CNTN4: variants seen among roughly 807,000 people sequenced by gnomAD.
The protein encoded by CNTN4 is contactin-4.
Under a neutral mutation model 122.5 loss-of-function variants are expected in CNTN4, and 77 were observed. The observed-to-expected ratio is 0.63, with a 90% CI of 0.52 to 0.76. The LOEUF (loss-of-function observed/expected upper bound fraction) is 0.76. Among genes scored for constraint, CNTN4 ranks in the 30% least tolerant of loss-of-function variants. The probability of loss-of-function intolerance (pLI) is 0.00; values close to 1 mark genes in which losing one functional copy is unlikely to be tolerated. For missense variants in CNTN4, 1,256 were observed against 1,259.1 expected (o/e 1.00, Z 0.04); for synonymous variants, 512 against 447.0 (o/e 1.15, Z -1.83).
intron 7 of CNTN4, among the ~76,000 whole-genome samples, chr3:2,835,808 C>G (rs1358673549): frequency 1.3e-5 from 2 of 152,000 alleles, no homozygotes; most frequent in Non-Finnish European, 2.9e-5. Flanking sequence ...TATAAGGAAT[C>G]CTGGAAATCA....
At chr3:2,719,258 T>A (rs2087689043) in intron 4 of CNTN4, among the ~76,000 whole-genome samples, 1 of 146,752 alleles carries the variant, frequency 6.8e-6, no homozygotes, top group Admixed American at 6.8e-5. Flanking sequence ...TGACCTAACA[T>A]TAGAACATTA....
At chr3:2,576,409 A>G (rs2149528387) in intron 4 of CNTN4, among the ~76,000 whole-genome samples, 1 of 152,312 alleles carries the variant, frequency 6.6e-6, no homozygotes, top group South Asian at 2.1e-4. Context: ...CAATACTATG[A>G]TGCTAATCCA....
At chr3:2,259,858 A>G (rs1485954675) in intron 2 of CNTN4, among the ~76,000 whole-genome samples, 10 of 152,098 alleles carry the variant, frequency 6.6e-5, no homozygotes, top group Non-Finnish European at 1.5e-4. Flanking sequence ...GTATCTTTGC[A>G]TTCTTTCCCA....
At position 2,443,548 on chromosome 3, in the gene CNTN4, A is replaced by G. The variant is rs1173277941; in HGVS notation, c.-89+104315A>G. ...CTTGTAACGTACATATTGAGCTTCCATAGCAAAGAATACAAATCATCACAA... is the reference window on the plus strand; with the variant it reads ...CTTGTAACGTACATATTGAGCTTCCGTAGCAAAGAATACAAATCATCACAA... On this transcript the variant is annotated intron_variant, in intron 3 of 24. Transcript: ENST00000418658. 2.0e-5 allele frequency among the ~76,000 whole-genome samples: 3 copies of G among 152,210 alleles called. No homozygotes were observed. The East Asian group carries it at 5.8e-4, about 29-fold the overall frequency.
chr3:2,298,656 A>G (rs1166364938), intron 2 of CNTN4, among the ~76,000 whole-genome samples: 4 of 152,204 alleles, frequency 2.6e-5, no homozygotes, highest in Non-Finnish European at 4.4e-5. Context: ...GAAAAATCAT[A>G]TAGCTACATT....
chr3:2,916,799 T>C (rs1487068646), intron 12 of CNTN4, among the ~76,000 whole-genome samples: 1 of 149,440 alleles, frequency 6.7e-6, no homozygotes, highest in Non-Finnish European at 1.5e-5. Context: ...GCCCCCCACC[T>C]CCCAGACGGG....
At chr3:2,144,998 C>A (rs1234701238) in intron 2 of CNTN4, among the ~76,000 whole-genome samples, 1 of 152,180 alleles carries the variant, frequency 6.6e-6, no homozygotes, top group Non-Finnish European at 1.5e-5. Context: ...GAAAGCACTG[C>A]TGATGAAAAC....
At chr3:2,146,896 T>G (rs796448826) in intron 2 of CNTN4, among the ~76,000 whole-genome samples, 3 of 152,312 alleles carry the variant, frequency 2.0e-5, no homozygotes, top group African/African-American at 7.2e-5. Context: ...TTGTTTTGTT[T>G]TTTTGAGACG....
At chr3:2,912,549 T>C (rs1221380487) in intron 12 of CNTN4, among the ~76,000 whole-genome samples, 1 of 152,162 alleles carries the variant, frequency 6.6e-6, no homozygotes, top group East Asian at 1.9e-4. Flanking sequence ...TGTAATATTG[T>C]AGGTACAAAA....
At position 3,043,119 on chromosome 3, in the gene CNTN4, C is replaced by A. The variant is rs769521251; in HGVS notation, c.2654C>A (p.Thr885Lys). The A allele has an allele frequency of 2.5e-6, 4 of 1,614,188 alleles. No homozygotes were observed. The highest frequency in any genetic ancestry group is 4.5e-5 in the East Asian group (2 of 44,884). The stretch of plus-strand genomic sequence containing the variant: ...GTCAAGGCATATAATTCTGCTGGGA[C>A]AGGCCCCTCTAGTGCAACAGTCAAT... ...LAVKAYNSAG[T>K]GPSSATVNVT... Residue 885 changes from threonine to lysine, a missense_variant, in exon 22 of 25, where the codon ACA (threonine) becomes AAA (lysine). Coordinates refer to ENST00000418658, the MANE Select transcript of CNTN4 (RefSeq NM_175607.3).
At chr3:2,147,728 C>A (rs1311765259) in intron 2 of CNTN4, among the ~76,000 whole-genome samples, 1 of 152,184 alleles carries the variant, frequency 6.6e-6, no homozygotes, top group African/African-American at 2.4e-5. Flanking sequence ...CTTTATGACA[C>A]AATTCTAGTC....
At chr3:2,512,615 C>CT (rs1227521666) in intron 3 of CNTN4, among the ~76,000 whole-genome samples, 1 of 152,060 alleles carries the variant, frequency 6.6e-6, no homozygotes, top group Non-Finnish European at 1.5e-5. Flanking sequence ...TCACACCTGT[C>CT]TTTTTTTATT....
intron 16 of CNTN4, among the ~76,000 whole-genome samples, chr3:3,031,278 C>T (rs906177876): frequency 6.6e-6 from 1 of 152,098 alleles, no homozygotes; most frequent in Non-Finnish European, 1.5e-5. Context: ...TTTAGGTGAA[C>T]AAAAGCAGAT....
chr3:2,725,857 C>T (rs1479066066), intron 4 of CNTN4, among the ~76,000 whole-genome samples: 10 of 152,018 alleles, frequency 6.6e-5, no homozygotes, highest in South Asian at 2.1e-4. Flanking sequence ...AAGAATAGAA[C>T]GAAGACCAAT....
At chr3:2,106,562 G>A (rs1416997701) in intron 2 of CNTN4, among the ~76,000 whole-genome samples, 2 of 152,198 alleles carry the variant, frequency 1.3e-5, no homozygotes, top group Non-Finnish European at 2.9e-5. Context: ...GCTACAGCTG[G>A]AGTGGCTGGG....
intron 3 of CNTN4, among the ~76,000 whole-genome samples, chr3:2,444,335 A>C (rs940700071): frequency 6.6e-6 from 1 of 152,142 alleles, no homozygotes; most frequent in African/African-American, 2.4e-5. Flanking sequence ...CAGTGGCGAC[A>C]TTAGGTATGC....
chr3:2,742,015 G>A (rs1039720442), intron 5 of CNTN4, among the ~76,000 whole-genome samples: 3 of 152,174 alleles, frequency 2.0e-5, no homozygotes, highest in African/African-American at 7.2e-5. Context: ...TAGCAGACTG[G>A]TACCTGGGAG....
At chr3:2,171,375 C>T (rs1412388908) in intron 2 of CNTN4, among the ~76,000 whole-genome samples, 1 of 152,096 alleles carries the variant, frequency 6.6e-6, no homozygotes, top group African/African-American at 2.4e-5. Flanking sequence ...TATAATTCCA[C>T]GTCTTTGCAT....
intron 3 of CNTN4, among the ~76,000 whole-genome samples, chr3:2,454,966 T>A (rs2048944161): frequency 6.6e-6 from 1 of 151,994 alleles, no homozygotes; most frequent in African/African-American, 2.4e-5. Flanking sequence ...GATAAAAGAG[T>A]CTTTGATTAT....
Sources: gnomAD v4.1 joint callset for allele counts (sites outside exome capture counted in the v4.1 genomes callset) on GRCh38, gnomAD v4.1.1 for gene constraint, MANE v1.5 for transcripts, NCBI Gene and HGNC (gene_info 2026-07-23, HGNC 2026-07-21) for gene names.